Variants in EXT2 observed in about 807,000 individuals in gnomAD.
EXT2 encodes the protein exostosin glycosyltransferase 2, also known as exostosin-2.
Under a neutral mutation model 81.6 loss-of-function variants are expected in EXT2, and 53 were observed. That is an observed-to-expected ratio of 0.65 (90% CI 0.52 to 0.82). EXT2 has a LOEUF of 0.82. EXT2 is among the 40% of genes least tolerant of loss of function. The pLI is 0.00. For synonymous variants in EXT2, 320 were observed against 340.0 expected, an observed-to-expected ratio of 0.94 and a Z score of 0.65; for missense variants, 774 against 910.2, an observed-to-expected ratio of 0.85 and a Z score of 1.93.
intron 7 of EXT2, among the ~76,000 whole-genome samples, chr11:44,157,015 T>A (rs548552373): frequency 1.3e-4 from 20 of 152,326 alleles, no homozygotes; most frequent in Non-Finnish European, 2.4e-4. Context: ...ACGGATAAGA[T>A]CTGGAAGAAT....
chr11:44,188,523 G>C (rs1303087761), intron 8 of EXT2, among the ~76,000 whole-genome samples: 2 of 152,140 alleles, frequency 1.3e-5, no homozygotes, highest in Non-Finnish European at 2.9e-5. Flanking sequence ...AAGTGGCTTT[G>C]TATTGATAGG....
chr11:44,237,645 G>A lies in EXT2; in HGVS notation c.2018+1270G>A, dbSNP rs79114153. On this transcript the variant is annotated intron_variant, in intron 13 of 13. Transcript: ENST00000533608. ...TAGGGCTGAGTTAAAATGGTGTATCGGATATATGGTCCAGGAAAGGAAGTA... is the reference window on the plus strand; with the variant it reads ...TAGGGCTGAGTTAAAATGGTGTATCAGATATATGGTCCAGGAAAGGAAGTA... Among the ~76,000 whole-genome samples, 244 of 152,106 alleles carry A rather than the reference G, an allele frequency of 1.6e-3. 2 individuals carry two copies. Among genetic ancestry groups the A allele is most frequent in the Non-Finnish European group, 3.0e-3 (205 of 68,004 alleles).
intron 1 of EXT2, 39 bp from the exon 2 acceptor site, chr11:44,107,644 A>G (rs753994651): frequency 1.8e-5 from 29 of 1,572,528 alleles, no homozygotes; most frequent in Non-Finnish European, 1.1e-5. Context: ...TTGCCATCCT[A>G]AATACTTGGT....
intron 7 of EXT2, among the ~76,000 whole-genome samples, chr11:44,142,952 T>C (rs1253008920): frequency 6.6e-6 from 1 of 152,248 alleles, no homozygotes; most frequent in Non-Finnish European, 1.5e-5. Flanking sequence ...TACTTTCATT[T>C]ATTTACTTAA....
At chr11:44,168,751 C>A (rs915814271) in intron 7 of EXT2, among the ~76,000 whole-genome samples, 1 of 152,060 alleles carries the variant, frequency 6.6e-6, no homozygotes, top group African/African-American at 2.4e-5. Flanking sequence ...AAGTATCCTT[C>A]AAAAATTATT....
intron 12 of EXT2, among the ~76,000 whole-genome samples, chr11:44,234,591 G>A (rs1955939444): frequency 1.3e-5 from 1 of 79,346 alleles, no homozygotes; most frequent in African/African-American, 4.6e-5. Flanking sequence ...TTTTTCTTAA[G>A]GTAGCTGGTT....
At chr11:44,168,361 A>G (rs12283944) in intron 7 of EXT2, among the ~76,000 whole-genome samples, 5,217 of 152,288 alleles carry the variant, frequency 0.034, 303 homozygotes, top group African/African-American at 0.12. Flanking sequence ...TGAAAACATT[A>G]TGAAATATAT....
chr11:44,149,395 A>T (rs7118541), intron 7 of EXT2, among the ~76,000 whole-genome samples: 39,625 of 151,852 alleles, frequency 0.26, 6,068 homozygotes, highest in Admixed American at 0.43. Context: ...CCCATTTTTC[A>T]TTTGCCTCTC....
intron 8 of EXT2, among the ~76,000 whole-genome samples, chr11:44,172,397 T>G (rs1955088820): frequency 6.6e-6 from 1 of 152,176 alleles, no homozygotes; most frequent in Non-Finnish European, 1.5e-5. Context: ...TCTTTCTCAC[T>G]GAAAATGCCT....
At chr11:44,192,710 C>T (rs1955408050) in intron 8 of EXT2, among the ~76,000 whole-genome samples, 1 of 152,084 alleles carries the variant, frequency 6.6e-6, no homozygotes, top group African/African-American at 2.4e-5. Flanking sequence ...CCCTGTTTTA[C>T]AGATGAGGAA....
intron 10 of EXT2, among the ~76,000 whole-genome samples, chr11:44,211,683 A>T (rs1257827037): frequency 2.0e-5 from 3 of 152,210 alleles, no homozygotes; most frequent in African/African-American, 2.4e-5. Flanking sequence ...GACAGGAGGA[A>T]TAGTTCTGGT....
At chr11:44,193,847 G>C (rs1955423350) in intron 8 of EXT2, among the ~76,000 whole-genome samples, 1 of 152,100 alleles carries the variant, frequency 6.6e-6, no homozygotes. Flanking sequence ...GATGCAAGTG[G>C]GCAGTGGGGA....
At chr11:44,165,254 G>C (rs946562439) in intron 7 of EXT2, among the ~76,000 whole-genome samples, 5 of 152,206 alleles carry the variant, frequency 3.3e-5, no homozygotes, top group African/African-American at 1.2e-4. Flanking sequence ...ATTTGCATTT[G>C]CTCTCTGGAT....
In EXT2 at chr11:44,248,462, G is replaced by A. The variant is rs1037604755; in HGVS notation, c.*4175G>A. ...TCCAAGCCCTGGACCTCCTGTCCTC[G>A]GCCTGTGTTTGGTACTCACCCACTT... On this transcript the variant is annotated 3_prime_UTR_variant, in exon 14 of 14. Transcript: ENST00000533608. Among the ~76,000 whole-genome samples the A allele has an allele frequency of 5.9e-5, 9 of 152,270 alleles. No homozygotes were observed. The highest frequency in any genetic ancestry group is 1.0e-4 in the Non-Finnish European group (7 of 68,020).
At chr11:44,199,491 G>T (rs1178795235) in intron 9 of EXT2, among the ~76,000 whole-genome samples, 1 of 152,244 alleles carries the variant, frequency 6.6e-6, no homozygotes, top group Non-Finnish European at 1.5e-5. Flanking sequence ...TCTTGCAGTA[G>T]TCACAGGCCT....
chr11:44,122,680 G>A (rs1281345193), intron 4 of EXT2, among the ~76,000 whole-genome samples: 1 of 152,176 alleles, frequency 6.6e-6, no homozygotes, highest in Admixed American at 6.5e-5. Flanking sequence ...CCATCTCCCT[G>A]CTGGGTTGCT....
chr11:44,205,056 C>T (rs1279976980), intron 9 of EXT2, among the ~76,000 whole-genome samples: 1 of 152,104 alleles, frequency 6.6e-6, no homozygotes, highest in Non-Finnish European at 1.5e-5. Flanking sequence ...CCTTTTTGGT[C>T]TTTTAATGCT....
chr11:44,157,225 G>A (rs977846402), intron 7 of EXT2, among the ~76,000 whole-genome samples: 2 of 152,064 alleles, frequency 1.3e-5, no homozygotes, highest in Admixed American at 6.5e-5. Flanking sequence ...TGCAGTGACC[G>A]CTGCCTGGCT....
At position 44,130,029 on chromosome 11, in the gene EXT2, T is replaced by G. The variant is rs377582390; in HGVS notation, c.1080-16T>G. ...AAGGGCTGTGTGTATGTAAACTGTTTTGCTGTTGTCTCCAGAGCATCTGTG... is the reference window on the plus strand; with the variant it reads ...AAGGGCTGTGTGTATGTAAACTGTTGTGCTGTTGTCTCCAGAGCATCTGTG... On this transcript the variant is annotated splice_polypyrimidine_tract_variant and intron_variant, in intron 6 of 13. Transcript: ENST00000533608. 1.2e-4 allele frequency: 198 copies of G among 1,605,308 alleles called. 1 individual carries two copies. The highest frequency in any genetic ancestry group is 1.8e-4 in the Admixed American group (11 of 60,000).
Sources: allele counts gnomAD v4.1 joint callset (sites outside exome capture counted in the v4.1 genomes callset), GRCh38; gene constraint gnomAD v4.1.1; transcripts MANE v1.5; gene names NCBI Gene and HGNC (gene_info 2026-07-23, HGNC 2026-07-21).